ACAN: variants seen among roughly 807,000 people sequenced by gnomAD.
The protein encoded by ACAN is aggrecan core protein.
In ACAN, 47 loss-of-function variants were observed where a neutral mutation model predicts 169.1. That is an observed-to-expected ratio of 0.28 (90% CI 0.22 to 0.35). The LOEUF is 0.35. ACAN is among the 10% of genes least tolerant of loss of function. The pLI is 1.00. For missense variants in ACAN, 2,716 were observed against 2,759.9 expected (o/e 0.98, Z 0.36); for synonymous variants, 1,115 against 1,112.2 (o/e 1.00, Z -0.05).
intron 7 of ACAN, among the ~76,000 whole-genome samples, chr15:88,846,877 T>A (rs1260613141): frequency 6.6e-6 from 1 of 152,238 alleles, no homozygotes; most frequent in African/African-American, 2.4e-5. Context: ...TTCGGCTCTT[T>A]CCAGAAAACG....
At chr15:88,812,821 A>T (rs1895853621) in intron 1 of ACAN, among the ~76,000 whole-genome samples, 1 of 151,854 alleles carries the variant, frequency 6.6e-6, no homozygotes, top group South Asian at 2.1e-4. Flanking sequence ...CACAAAGAGC[A>T]CTCCTTCTCA....
intron 4 of ACAN, 114 bp from the exon 5 acceptor site, chr15:88,841,626 T>C (rs74029633): frequency 4.4e-5 from 60 of 1,356,218 alleles, no homozygotes; most frequent in Non-Finnish European, 5.9e-5. Flanking sequence ...AGAGACATTG[T>C]CAAATGCAAT....
Position 88,838,623 on chromosome 15 carries a change from C to T in ACAN, c.71-40C>T. 1 of 1,546,248 alleles carries T rather than the reference C, an allele frequency of 6.5e-7. No homozygotes were observed. The highest frequency in any genetic ancestry group is 8.7e-7 in the Non-Finnish European group (1 of 1,143,854). On this transcript the variant is annotated intron_variant, in intron 2 of 18. Coordinates refer to ENST00000560601, the MANE Select transcript of ACAN (RefSeq NM_001369268.1). This position sits in a 1 kb window ranked among gnomAD's most constrained non-coding sequence, Gnocchi z 5.1. ...GGGAGGCGGGGTGGTCCTCTCTAGG[C>T]ACTAACAGGTCTCTCTTCTACCCCA...
chr15:88,848,114 AAG>A (rs1896840497), intron 9 of ACAN, 76 bp downstream of exon 9: 2 of 1,564,950 alleles, frequency 1.3e-6, no homozygotes, highest in South Asian at 2.4e-5. Context: ...CGATACAAAG[AAG>A]AGAGGGGGTT....
rs369355434 is a variant in ACAN at position 88,837,487 on chromosome 15, T to C, written c.71-1176T>C. ...GGGACAAGGGCCTTCATTTGTACTG[T>C]TGCTGGGAGACCCACAGCCATGCAG... On this transcript the variant is annotated intron_variant, in intron 2 of 18. Coordinates refer to ENST00000560601, the MANE Select transcript of ACAN (RefSeq NM_001369268.1). Among the ~76,000 whole-genome samples the C allele has an allele frequency of 2.3e-3, 349 of 152,310 alleles. 9 individuals are homozygous for C. The South Asian group carries it at 0.046, about 20-fold the overall frequency.
intron 1 of ACAN, among the ~76,000 whole-genome samples, chr15:88,808,041 G>C (rs1168357078): frequency 1.3e-5 from 2 of 151,786 alleles, no homozygotes; most frequent in Admixed American, 6.6e-5. Context: ...TGTATGTGGG[G>C]GCGGGGGTGC....
At position 88,868,453 on chromosome 15, in the gene ACAN, C is replaced by T. The variant is rs58153282; in HGVS notation, c.7060+124C>T. 8.0e-4 allele frequency: 465 copies of T among 578,872 alleles called. No individual in the cohort carries two copies. Among genetic ancestry groups the T allele is most frequent in the African/African-American group, 7.8e-3 (417 of 53,380 alleles). The allele number at this position is 578,872 out of a possible 1,614,324, so 35.9% of individuals were successfully genotyped here. On this transcript the variant is annotated intron_variant, in intron 14 of 18. Coordinates refer to ENST00000560601, the MANE Select transcript of ACAN (RefSeq NM_001369268.1). The surrounding 1 kb of genome is among the most constrained non-coding windows in gnomAD (Gnocchi z 5.2). ...GGCCCCCGAGGTTCATCTGGAGAGC[C>T]ATTTCAGGGGCCACAACTGAAAATT...
At chr15:88,831,584 G>A (rs34465784) in intron 1 of ACAN, among the ~76,000 whole-genome samples, 94,079 of 152,128 alleles carry the variant, frequency 0.62, 29,500 homozygotes, top group Middle Eastern at 0.73. Context: ...GGGAGACAGT[G>A]GGGAACAAGA....
chr15:88,814,464 G>A lies in ACAN; in HGVS notation c.-8+10655G>A, dbSNP rs1201417690. On this transcript the variant is annotated intron_variant, in intron 1 of 18. Coordinates refer to ENST00000560601, the MANE Select transcript of ACAN (RefSeq NM_001369268.1). This position sits in a 1 kb window ranked among gnomAD's most constrained non-coding sequence, Gnocchi z 4.0. ...ATCCTGGAGCAGAAAGGGGCCTCAG[G>A]AATGCAAGAAGAGCCACATGCTGTC... Among the ~76,000 whole-genome samples, 3 of 152,306 alleles carry A rather than the reference G, an allele frequency of 2.0e-5. No homozygotes were observed. Among genetic ancestry groups the A allele is most frequent in the African/African-American group, 7.2e-5 (3 of 41,562 alleles).
rs141466426 is a variant in ACAN at position 88,822,579 on chromosome 15, G to A, written c.-7-13621G>A. On this transcript the variant is annotated intron_variant, in intron 1 of 18. Coordinates refer to ENST00000560601, the MANE Select transcript of ACAN (RefSeq NM_001369268.1). ...CCTCCCAGGTTCAAGCAATTCTCCT[G>A]CCTCAGCCACCATGCCTGGCTAATT... 3.2e-3 allele frequency among the ~76,000 whole-genome samples: 487 copies of A among 151,920 alleles called. 1 individual carries two copies. The highest frequency in any genetic ancestry group is 0.011 in the African/African-American group (460 of 41,424).
chr15:88,818,447 C>T (rs922356876), intron 1 of ACAN, among the ~76,000 whole-genome samples: 2 of 152,190 alleles, frequency 1.3e-5, no homozygotes, highest in Non-Finnish European at 2.9e-5. Flanking sequence ...TGTGTGTCCT[C>T]AGTGAGCCAG....
Position 88,871,451 on chromosome 15 carries a change from AG to A in ACAN, c.7131del (p.Thr2378ProfsTer16). On this transcript the variant is annotated frameshift_variant, in exon 15 of 19. Coordinates refer to ENST00000560601, the MANE Select transcript of ACAN (RefSeq NM_001369268.1). LOFTEE classifies it high-confidence loss of function. The surrounding 1 kb of genome is among the most constrained non-coding windows in gnomAD (Gnocchi z 7.8). Reference sequence around the variant, plus strand: ...TGTTACCGCCACTTCCCGGACCGCGAGACCTGGGTGGATGCTGAGCGCCGGT... The same window carrying A: ...TGTTACCGCCACTTCCCGGACCGCGAACCTGGGTGGATGCTGAGCGCCGGT... ...GHCYRHFPDR[E>X]TWVDAERRCR... 6.2e-7 allele frequency: 1 copy of A among 1,613,962 alleles called. No individual in the cohort carries two copies.
At chr15:88,859,672 A>G (rs541446181) in intron 12 of ACAN, among the ~76,000 whole-genome samples, 79 of 152,362 alleles carry the variant, frequency 5.2e-4, no homozygotes, top group Non-Finnish European at 4.4e-5. Flanking sequence ...CACGCTCTGC[A>G]TGCAGTGCAC....
chr15:88,851,669 A>G lies in ACAN; in HGVS notation c.2027-125A>G. The G allele has an allele frequency of 8.5e-7, 1 of 1,178,404 alleles. No individual in the cohort carries two copies. Among genetic ancestry groups the G allele is most frequent in the Non-Finnish European group, 1.2e-6 (1 of 857,298 alleles). 73.0% of individuals were successfully genotyped at this position (1,178,404 alleles called of 1,614,324 possible). On this transcript the variant is annotated intron_variant, in intron 10 of 18. Coordinates refer to ENST00000560601, the MANE Select transcript of ACAN (RefSeq NM_001369268.1). This position sits in a 1 kb window ranked among gnomAD's most constrained non-coding sequence, Gnocchi z 4.3. ...TTACTAAGCGAGAAGGCAAACAGCC[A>G]TCTGCTGAACTAGGAGGTGGGGCCT...
Position 88,873,152 on chromosome 15 carries a change from C to A in ACAN, c.7447+127C>A. On this transcript the variant is annotated intron_variant, in intron 17 of 18. Coordinates refer to ENST00000560601, the MANE Select transcript of ACAN (RefSeq NM_001369268.1). The surrounding 1 kb of genome is among the most constrained non-coding windows in gnomAD (Gnocchi z 7.5). ...GGCTGCTGGTGTCTCCTCACTTGTC[C>A]AAAAGGCAGACTGGAGCTGACCTAG... The A allele has an allele frequency of 3.1e-6, 4 of 1,284,488 alleles. No homozygotes were observed. The highest frequency in any genetic ancestry group is 1.5e-5 in the African/African-American group (1 of 67,130). The allele number at this position is 1,284,488 out of a possible 1,614,324, so 79.6% of individuals were successfully genotyped here. A position where few individuals can be genotyped will look rare whatever the true frequency, so the allele number is the denominator to read the frequency against.
At position 88,875,103 on chromosome 15, in the gene ACAN, G is replaced by A. The variant is rs967062353; in HGVS notation, c.*622G>A. ...GCCATCAGAGGGACCTCCGCTGCCT[G>A]GGAGTTGGGTTCCCTCCAAGGGTCC... On this transcript the variant is annotated 3_prime_UTR_variant, in exon 19 of 19. Coordinates refer to ENST00000560601, the MANE Select transcript of ACAN (RefSeq NM_001369268.1). This position sits in a 1 kb window ranked among gnomAD's most constrained non-coding sequence, Gnocchi z 4.8. The A allele has an allele frequency of 6.3e-6, 1 of 158,742 alleles. No individual in the cohort carries two copies. Among genetic ancestry groups the A allele is most frequent in the Non-Finnish European group, 1.4e-5 (1 of 71,862 alleles). The allele number at this position is 158,742 out of a possible 1,614,324, so 9.8% of individuals were successfully genotyped here. A position where few individuals can be genotyped will look rare whatever the true frequency, so the allele number is the denominator to read the frequency against.
chr15:88,842,801 CCCCTTA>C (rs1359744614), intron 5 of ACAN, among the ~76,000 whole-genome samples: 4 of 152,264 alleles, frequency 2.6e-5, no homozygotes, highest in Non-Finnish European at 5.9e-5. Flanking sequence ...CCCACCCTTA[CCCCTTA>C]CCCTTACCCC....
chr15:88,812,478 C>A (rs1895844647), intron 1 of ACAN, among the ~76,000 whole-genome samples: 2 of 152,200 alleles, frequency 1.3e-5, no homozygotes, highest in African/African-American at 4.8e-5. Flanking sequence ...CCTTGGCCTA[C>A]AGGCCCCCAA....
At position 88,844,368 on chromosome 15, in the gene ACAN, T is replaced by TTTATTATTATTATTATTATTATTA. The variant is rs59329974; in HGVS notation, c.1051+740_1051+741insATTATTATTATTATTATTATTATT. 6.0e-5 allele frequency among the ~76,000 whole-genome samples: 9 copies of TTTATTATTATTATTATTATTATTA among 149,802 alleles called. No homozygotes were observed. In the East Asian group the frequency reaches 1.2e-3, roughly 20 times the overall value. On this transcript the variant is annotated intron_variant, in intron 6 of 18. Coordinates refer to ENST00000560601, the MANE Select transcript of ACAN (RefSeq NM_001369268.1). ...CAGGCTGGGCAAAATGTCATTTTAC[T>TTTATTATTATTATTATTATTATTA]TTATTATTATTATTATTATTGTTGA... is the stretch of plus-strand genomic sequence containing the variant.
Sources: allele counts gnomAD v4.1 joint callset (sites outside exome capture counted in the v4.1 genomes callset), GRCh38; gene constraint gnomAD v4.1.1; non-coding constraint Gnocchi (gnomAD v3.1); transcripts MANE v1.5; gene names NCBI Gene and HGNC (gene_info 2026-07-23, HGNC 2026-07-21).